Variants in DHX30 observed in about 807,000 individuals in gnomAD.
DHX30 encodes ATP-dependent RNA helicase DHX30.
A neutral mutation model predicts 116.9 loss-of-function variants in DHX30; 4 were observed. The ratio of observed to expected loss-of-function variants is 0.03; its 90% CI spans 0.02 to 0.08. The LOEUF (loss-of-function observed/expected upper bound fraction) is 0.08, where lower values mean the gene tolerates loss of function less well. Among genes scored for constraint, DHX30 ranks in the 10% least tolerant of loss-of-function variants. DHX30 has a pLI of 1.00. For missense variants in DHX30, 871 were observed against 1,595.1 expected (o/e 0.55, Z 7.73); for synonymous variants, 697 against 651.7 (o/e 1.07, Z -1.06).
chr3:47,823,936 GGT>G (rs1258684042), intron 4 of DHX30, among the ~76,000 whole-genome samples: 1 of 151,918 alleles, frequency 6.6e-6, no homozygotes, highest in African/African-American at 2.4e-5. Context: ...CTGCTGTCCA[GGT>G]GGGGCCTTTC....
chr3:47,837,519 T>C (rs1365539097), intron 6 of DHX30, among the ~76,000 whole-genome samples: 1 of 152,068 alleles, frequency 6.6e-6, no homozygotes, highest in Non-Finnish European at 1.5e-5. Flanking sequence ...TCCTAGCACT[T>C]TGGGAGGCTG....
Position 47,809,893 on chromosome 3 carries a change from A to G in DHX30, c.-27-764A>G, listed in dbSNP as rs371421899. Among the ~76,000 whole-genome samples the G allele has an allele frequency of 1.4e-4, 22 of 152,352 alleles. No individual in the cohort carries two copies. The Middle Eastern group carries it at 0.01, about 71-fold the overall frequency. On this transcript the variant is annotated intron_variant, in intron 2 of 21. Coordinates refer to ENST00000445061, the MANE Select transcript of DHX30 (RefSeq NM_138615.3). ...TAATCAAGGAGTACTGGATTATAAA[A>G]ACATCTATAAATCTGAGTTTGAGTA...
intron 6 of DHX30, 89 bp downstream of exon 6, chr3:47,829,223 C>T (rs34723020): frequency 1.7e-6 from 1 of 586,496 alleles, no homozygotes. Flanking sequence ...GCCCAGTGTT[C>T]TACCACTCAC....
intron 5 of DHX30, 51 bp downstream of exon 5, chr3:47,827,528 CTGTT>C (rs2036601579): frequency 6.4e-7 from 1 of 1,573,712 alleles, no homozygotes; most frequent in Admixed American, 1.9e-5. Context: ...AGAAAGGAGG[CTGTT>C]TGTCCTTTCT....
chr3:47,818,221 G>C, intron 4 of DHX30, 104 bp downstream of exon 4: 1 of 692,952 alleles, frequency 1.4e-6, no homozygotes, highest in Non-Finnish European at 2.6e-6. Flanking sequence ...TCCAGAAAGT[G>C]AGTGAGGAAG....
At chr3:47,837,680 G>C (rs2037186017) in intron 6 of DHX30, among the ~76,000 whole-genome samples, 1 of 152,248 alleles carries the variant, frequency 6.6e-6, no homozygotes, top group Admixed American at 6.5e-5. Flanking sequence ...AGAATCGCTT[G>C]AACCTGGCAG....
chr3:47,808,669 G>C (rs935424534), intron 2 of DHX30, among the ~76,000 whole-genome samples: 2 of 150,902 alleles, frequency 1.3e-5, no homozygotes, highest in Non-Finnish European at 2.9e-5. Flanking sequence ...TCCGCTTCTC[G>C]GGTTCAAGCG....
intron 1 of DHX30, among the ~76,000 whole-genome samples, chr3:47,803,814 T>C (rs2035403684): frequency 1.3e-5 from 2 of 152,178 alleles, no homozygotes; most frequent in Non-Finnish European, 2.9e-5. Flanking sequence ...TTGTTTGCAG[T>C]GAACTGGAGT....
At chr3:47,819,661 C>G (rs1291933037) in intron 4 of DHX30, among the ~76,000 whole-genome samples, 1 of 152,198 alleles carries the variant, frequency 6.6e-6, no homozygotes, top group African/African-American at 2.4e-5. Context: ...GCAACAGTCT[C>G]TCTGGTGTTT....
At chr3:47,845,373 G>C (rs1315902894) in intron 9 of DHX30, 1 of 167,696 alleles carries the variant, frequency 6.0e-6, no homozygotes, top group African/African-American at 2.4e-5. Flanking sequence ...TTTTAGTAGA[G>C]ATGGGGTTTC....
chr3:47,848,959 C>T lies in DHX30; in HGVS notation c.2809C>T (p.Leu937=). 1.9e-6 allele frequency: 3 copies of T among 1,612,982 alleles called. No homozygotes were observed. The highest frequency in any genetic ancestry group is 2.5e-6 in the Non-Finnish European group (3 of 1,179,456). ...GAGCCATGACAGCGGCAGTGACCAC[C>T]TGGCCTTTGTGCGGGCTGTCGCCGG... is the stretch of plus-strand genomic sequence containing the variant. ...LLSHDSGSDH[L]AFVRAVAGWE... Residue 937 remains leucine, a synonymous_variant, in exon 18 of 22, where the codon CTG becomes TTG. Transcript: ENST00000445061. This position sits in a 1 kb window ranked among gnomAD's most constrained non-coding sequence, Gnocchi z 9.4.
intron 6 of DHX30, among the ~76,000 whole-genome samples, chr3:47,834,898 T>C (rs1319760466): frequency 6.6e-6 from 1 of 152,228 alleles, no homozygotes; most frequent in Non-Finnish European, 1.5e-5. Context: ...CAGACATCCC[T>C]ATGAGCTGAT....
At position 47,805,411 on chromosome 3, in the gene DHX30, C is replaced by T. The variant is rs778917088; in HGVS notation, c.-37C>T. The T allele has an allele frequency of 7.5e-6, 3 of 398,902 alleles. No homozygotes were observed. Among genetic ancestry groups the T allele is most frequent in the Non-Finnish European group, 1.3e-5 (3 of 226,062 alleles). 24.7% of individuals were successfully genotyped at this position (398,902 alleles called of 1,614,324 possible). A position where few individuals can be genotyped will look rare whatever the true frequency, so the allele number is the denominator to read the frequency against. On this transcript the variant is annotated 5_prime_UTR_variant, in exon 2 of 22. Coordinates refer to ENST00000445061, the MANE Select transcript of DHX30 (RefSeq NM_138615.3). ...CCTACAAAATCTGAGACTGTCATTG[C>T]TTTTATAAGGTAAGTTGATTTAGCC...
chr3:47,816,302 C>T (rs1050313119), intron 3 of DHX30: 1 of 984,236 alleles, frequency 1.0e-6, no homozygotes, highest in Non-Finnish European at 1.2e-6. Context: ...TTTGGACTAC[C>T]TAGACAGGCA....
At chr3:47,816,928 AT>A in intron 3 of DHX30, 1 of 963,766 alleles carries the variant, frequency 1.0e-6, no homozygotes, top group Non-Finnish European at 1.2e-6. Context: ...AAAAAAAAAA[AT>A]AGCTGAAAGG....
intron 4 of DHX30, among the ~76,000 whole-genome samples, chr3:47,820,832 A>C (rs549184958): frequency 7.3e-5 from 11 of 151,580 alleles, no homozygotes; most frequent in Non-Finnish European, 2.9e-5. Context: ...AAAGGAATCA[A>C]CTTTCTCTCC....
At chr3:47,823,891 G>T (rs1036465236) in intron 4 of DHX30, among the ~76,000 whole-genome samples, 2 of 152,076 alleles carry the variant, frequency 1.3e-5, no homozygotes, top group African/African-American at 4.8e-5. Context: ...GTGCTATCCT[G>T]AGGGCTTCCT....
chr3:47,815,439 T>C (rs902303770), intron 3 of DHX30, among the ~76,000 whole-genome samples: 4 of 152,134 alleles, frequency 2.6e-5, no homozygotes, highest in Non-Finnish European at 2.9e-5. Context: ...TGCTTCTTGG[T>C]ACTCTGGAGC....
chr3:47,809,185 C>T (rs2035671549), intron 2 of DHX30, among the ~76,000 whole-genome samples: 1 of 148,300 alleles, frequency 6.7e-6, no homozygotes, highest in Non-Finnish European at 1.5e-5. Context: ...TGTCAAATTA[C>T]ACACTTTTTA....
Sources: allele counts gnomAD v4.1 joint callset (sites outside exome capture counted in the v4.1 genomes callset), GRCh38; gene constraint gnomAD v4.1.1; non-coding constraint Gnocchi (gnomAD v3.1); transcripts MANE v1.5; gene names NCBI Gene and HGNC (gene_info 2026-07-23, HGNC 2026-07-21).